The following HNRNPC variants were observed in gnomAD, a reference collection of about 807,000 sequenced individuals.
HNRNPC encodes heterogeneous nuclear ribonucleoproteins C1/C2.
Under a neutral mutation model 33.2 loss-of-function variants are expected in HNRNPC, and 3 were observed. The ratio of observed to expected loss-of-function variants is 0.09; its 90% CI spans 0.04 to 0.23. The LOEUF is 0.23. HNRNPC is among the 10% of genes least tolerant of loss of function. The pLI is 1.00. For missense variants in HNRNPC, 143 were observed against 366.7 expected, an observed-to-expected ratio of 0.39 and a Z score of 4.98; for synonymous variants, 121 against 126.7, an observed-to-expected ratio of 0.96 and a Z score of 0.30.
chr14:21,219,337 A>C lies in HNRNPC; in HGVS notation c.366-6220T>G, dbSNP rs567738886. ...TATATGACTATGCATTTTGTAAATC[A>C]AATCTGATGTAGGAATTATACACCA... On this transcript the variant is annotated intron_variant, in intron 5 of 8. Transcript: ENST00000553300. Among the ~76,000 whole-genome samples, 6 of 152,248 alleles carry C rather than the reference A, an allele frequency of 3.9e-5. No homozygotes were observed. The South Asian group carries it at 1.2e-3, about 32-fold the overall frequency.
chr14:21,212,150 A>G (rs1891678788), intron 6 of HNRNPC: 1 of 471,042 alleles, frequency 2.1e-6, no homozygotes, highest in East Asian at 3.8e-5. Context: ...CGCTATGTTG[A>G]CCAGGCCTGA....
At chr14:21,245,253 T>C (rs891909972) in intron 2 of HNRNPC, among the ~76,000 whole-genome samples, 5 of 152,094 alleles carry the variant, frequency 3.3e-5, no homozygotes, top group Non-Finnish European at 1.5e-5. Context: ...CCCAGTACTT[T>C]TGGAGGCCGA....
chr14:21,219,987 C>A (rs2139525727), intron 5 of HNRNPC, among the ~76,000 whole-genome samples: 3 of 152,262 alleles, frequency 2.0e-5, no homozygotes, highest in Middle Eastern at 6.8e-3. Context: ...CTTTAAGATC[C>A]ATCTGCTTTT....
chr14:21,226,560 G>C (rs1335799742), intron 5 of HNRNPC, among the ~76,000 whole-genome samples: 1 of 144,124 alleles, frequency 6.9e-6, no homozygotes, highest in African/African-American at 2.7e-5. Flanking sequence ...GCCTTCAAAT[G>C]AATATTAAAA....
In HNRNPC at chr14:21,242,193, TAAG is replaced by T. The variant is rs200025754; in HGVS notation, c.-36-7967_-36-7965del. The stretch of plus-strand genomic sequence containing the variant: ...TAAATATAATCATATATAATAATAA[TAAG>T]GTGTGGGGCCAGGCAAGGTGGCTCA... On this transcript the variant is annotated intron_variant, in intron 2 of 8. Transcript: ENST00000553300. Among the ~76,000 whole-genome samples, 1,216 of 152,158 alleles carry T rather than the reference TAAG, an allele frequency of 8.0e-3. 19 individuals carry two copies. Among genetic ancestry groups the T allele is most frequent in the African/African-American group, 0.028 (1,158 of 41,518 alleles).
chr14:21,226,298 G>A (rs756451254), intron 5 of HNRNPC, among the ~76,000 whole-genome samples: 9 of 148,934 alleles, frequency 6.0e-5, no homozygotes, highest in East Asian at 3.9e-4. Flanking sequence ...ACTCCAGCCC[G>A]GGAGACAGCA....
intron 2 of HNRNPC, among the ~76,000 whole-genome samples, chr14:21,260,224 G>A (rs1176021973): frequency 6.0e-5 from 9 of 149,138 alleles, no homozygotes; most frequent in Admixed American, 3.4e-4. Context: ...AAAATTAGCC[G>A]GGCATAGTAG....
chr14:21,249,802 T>C (rs868097716), intron 2 of HNRNPC, among the ~76,000 whole-genome samples: 2 of 152,074 alleles, frequency 1.3e-5, no homozygotes, highest in Non-Finnish European at 2.9e-5. Context: ...TACTCTAACG[T>C]AGAGCAACTT....
chr14:21,224,795 T>C (rs1211953390), intron 5 of HNRNPC, among the ~76,000 whole-genome samples: 1 of 152,194 alleles, frequency 6.6e-6, no homozygotes, highest in African/African-American at 2.4e-5. Context: ...AACTCAATCT[T>C]TGTTACATGT....
At chr14:21,261,538 G>C (rs1364698320) in intron 2 of HNRNPC, among the ~76,000 whole-genome samples, 2 of 152,112 alleles carry the variant, frequency 1.3e-5, no homozygotes, top group African/African-American at 4.8e-5. Context: ...TTTCATCCGA[G>C]TATGGTATAA....
At chr14:21,253,414 C>A (rs1896877349) in intron 2 of HNRNPC, among the ~76,000 whole-genome samples, 1 of 130,106 alleles carries the variant, frequency 7.7e-6, no homozygotes. Flanking sequence ...GCGGAGCTTG[C>A]AGTGAGAGAG....
At chr14:21,230,502 TCATACAATA>T in intron 4 of HNRNPC, 136 bp from the exon 5 acceptor site, 1 of 649,670 alleles carries the variant, frequency 1.5e-6, no homozygotes, top group Non-Finnish European at 2.8e-6. Flanking sequence ...CCCCAATCAT[TCATACAATA>T]AATCACTCAA....
intron 5 of HNRNPC, among the ~76,000 whole-genome samples, chr14:21,216,929 T>C (rs577874811): frequency 6.6e-6 from 1 of 152,296 alleles, no homozygotes; most frequent in South Asian, 2.1e-4. Flanking sequence ...ACTAGCTAGC[T>C]AGCTAGTTCC....
At chr14:21,268,035 ATGGGTT>A (rs1359191494) in intron 1 of HNRNPC, among the ~76,000 whole-genome samples, 2 of 152,188 alleles carry the variant, frequency 1.3e-5, no homozygotes. Flanking sequence ...ACCCTGCAGA[ATGGGTT>A]TAAACTGTGC....
chr14:21,256,771 G>A (rs1002291645), intron 2 of HNRNPC, among the ~76,000 whole-genome samples: 2 of 151,950 alleles, frequency 1.3e-5, no homozygotes, highest in African/African-American at 4.8e-5. Context: ...TCTCATGCCT[G>A]TCTCTCAAGT....
intron 1 of HNRNPC, chr14:21,264,575 A>G (rs1878675426): frequency 6.6e-6 from 1 of 152,224 alleles, no homozygotes; most frequent in African/African-American, 2.4e-5. Flanking sequence ...CTGGTACATA[A>G]TACCACACTA....
intron 2 of HNRNPC, among the ~76,000 whole-genome samples, chr14:21,235,408 A>G (rs556188062): frequency 6.6e-6 from 1 of 152,312 alleles, no homozygotes; most frequent in Non-Finnish European, 1.5e-5. Context: ...AAAAACAGGT[A>G]GTTTAACACC....
chr14:21,254,798 C>T (rs980682956), intron 2 of HNRNPC, among the ~76,000 whole-genome samples: 3 of 151,942 alleles, frequency 2.0e-5, no homozygotes, highest in African/African-American at 4.8e-5. Context: ...CCCAGCTACT[C>T]GGGAAGCTGA....
chr14:21,220,062 T>TGA (rs1185547155), intron 5 of HNRNPC, among the ~76,000 whole-genome samples: 1 of 152,190 alleles, frequency 6.6e-6, no homozygotes, highest in Non-Finnish European at 1.5e-5. Flanking sequence ...CAGCCACCCA[T>TGA]TATCTTTCTC....
Sources: gnomAD v4.1 joint callset for allele counts (sites outside exome capture counted in the v4.1 genomes callset) on GRCh38, gnomAD v4.1.1 for gene constraint, MANE v1.5 for transcripts, NCBI Gene and HGNC (gene_info 2026-07-23, HGNC 2026-07-21) for gene names.